RIN1: variants seen among roughly 807,000 people sequenced by gnomAD.
RIN1 encodes Ras and Rab interactor 1, also known as ras inhibitor 1.
RIN1 carries 52 observed loss-of-function variants against 64.9 expected under a neutral mutation model. That is an observed-to-expected ratio of 0.80 (90% confidence interval 0.64 to 1.01). The LOEUF is 1.01. Ranked by LOEUF, RIN1 falls within the 50% of genes least tolerant of loss-of-function variation. RIN1 has a pLI of 0.00. For synonymous variants in RIN1, 486 were observed against 483.6 expected, an observed-to-expected ratio of 1.00 and a Z score of -0.06; for missense variants, 1,040 against 1,064.5, an observed-to-expected ratio of 0.98 and a Z score of 0.32.
In RIN1 at chr11:66,334,125, A is replaced by C. The variant is rs890357099; in HGVS notation, c.1385T>G (p.Leu462Arg). The C allele has an allele frequency of 6.5e-7, 1 of 1,550,304 alleles. No homozygotes were observed. ...GCGGAGGCCCTCAGCTAGGCGGCCCAGGGAGCCGTCTGCGGCAAGCCGGCG... is the reference window on the plus strand; with the variant it reads ...GCGGAGGCCCTCAGCTAGGCGGCCCCGGGAGCCGTCTGCGGCAAGCCGGCG... ...LRRRLAADGS[L>R]GRLAEGLRLA... Residue 462 changes from leucine to arginine, a missense_variant, in exon 7 of 10, where the codon CTG (leucine) becomes CGG (arginine). Coordinates refer to ENST00000311320, the MANE Select transcript of RIN1 (RefSeq NM_004292.3).
rs780527054 is a variant in RIN1, at chr11:66,334,024, G to A, written c.1486C>T (p.Arg496Cys). The A allele has an allele frequency of 1.2e-5, 19 of 1,572,528 alleles. No homozygotes were observed. Among genetic ancestry groups the A allele is most frequent in the East Asian group, 1.2e-4 (5 of 43,412 alleles). The change falls in exon 7 of 10, where the codon CGC becomes TGC. Residue 496 changes from arginine to cysteine, a missense_variant. By Grantham distance (180) the Arg-to-Cys change is radical (BLOSUM62 -3). Transcript: ENST00000311320. Reference protein sequence around the residue: ...LPSPVELEQVRQKLLQLLRTY... With the variant: ...LPSPVELEQVCQKLLQLLRTY... ...CGGAGCAGCTGCAGCAGCTTCTGGC[G>A]CACTTGCTCCAACTCTACTGGGGAG...
At position 66,333,927 on chromosome 11, in the gene RIN1, G is replaced by C. The variant is rs1442953912; in HGVS notation, c.1583C>G (p.Thr528Ser). Residue 528 changes from threonine to serine, a missense_variant, in exon 7 of 10, where the codon ACC becomes AGC. Coordinates refer to ENST00000311320, the MANE Select transcript of RIN1 (RefSeq NM_004292.3). ...TGGTGGCAGGGACATACCTTCCTGG[G>C]TCCTCAGGGCCATGTAGAGCAGCTT... ...ACKLLYMALR[T>S]QEGEGAGADE... is the part of the protein sequence containing the mutation. 6.5e-7 allele frequency: 1 copy of C among 1,529,268 alleles called. No homozygotes were observed. Among genetic ancestry groups the C allele is most frequent in the Non-Finnish European group, 8.8e-7 (1 of 1,137,468 alleles). The allele number at this position is 1,529,268 out of a possible 1,614,324, so 94.7% of individuals were successfully genotyped here.
intron 5 of RIN1, 45 bp downstream of exon 5, chr11:66,335,362 G>A (rs1208853416): frequency 1.3e-6 from 2 of 1,565,262 alleles, no homozygotes; most frequent in Non-Finnish European, 1.7e-6. Flanking sequence ...CTTCCCCTCG[G>A]CCTCAGCTTG....
At position 66,333,283 on chromosome 11, in the gene RIN1, CG is replaced by C; in HGVS notation, c.1849del (p.Arg617AlafsTer14). On this transcript the variant is annotated frameshift_variant, in exon 9 of 10. Coordinates refer to ENST00000311320, the MANE Select transcript of RIN1 (RefSeq NM_004292.3). LOFTEE classifies it high-confidence loss of function. ...RRSLSLWEQRRLPATHCFQHL... is the reference protein window; with the variant it reads ...RRSLSLWEQRXLPATHCFQHL... ...CTGGAAGCAGTGGGTGGCAGGCAGG[CG>C]GCGCTGCTCCCAGAGGCTGAGGGAG... The C allele has an allele frequency of 6.2e-7, 1 of 1,611,284 alleles. No individual in the cohort carries two copies.
rs1029836309 is a variant in RIN1, at chr11:66,332,381, C to T, written c.2247G>A (p.Arg749=). The T allele has an allele frequency of 6.2e-7, 1 of 1,614,178 alleles. No individual in the cohort carries two copies. The highest frequency in any genetic ancestry group is 8.5e-7 in the Non-Finnish European group (1 of 1,180,030). ...AGVKASPRDI[R]EQSETTAEGG... ...CTTCAGCAGTTGTCTCAGACTGTTC[C>T]CGAATGTCCCTGGGGCTGGCTTTGA... The change falls in exon 10 of 10, where the codon CGG becomes CGA. Residue 749 remains arginine, a synonymous_variant. Transcript: ENST00000311320.
Position 66,335,971 on chromosome 11 carries a change from G to A in RIN1, c.267+7C>T. Reference sequence around the variant, plus strand: ...GGCCAGTCCCTGGAGTGTGGGGCAAGACTCACCCCCGGGGGCTCGGTCCTC... The same window carrying A: ...GGCCAGTCCCTGGAGTGTGGGGCAAAACTCACCCCCGGGGGCTCGGTCCTC... On this transcript the variant is annotated splice_region_variant and intron_variant, in intron 2 of 9. Coordinates refer to ENST00000311320, the MANE Select transcript of RIN1 (RefSeq NM_004292.3). The A allele has an allele frequency of 6.8e-7, 1 of 1,480,188 alleles. No individual in the cohort carries two copies. Among genetic ancestry groups the A allele is most frequent in the South Asian group, 1.4e-5 (1 of 70,368 alleles). 91.7% of individuals were successfully genotyped at this position (1,480,188 alleles called of 1,614,324 possible).
rs756792538 is a variant in RIN1, at chr11:66,334,092, C to G, written c.1418G>C (p.Arg473Pro). 4 of 1,559,966 alleles carry G rather than the reference C, an allele frequency of 2.6e-6. No individual in the cohort carries two copies. The highest frequency in any genetic ancestry group is 3.5e-6 in the Non-Finnish European group (4 of 1,152,440). The change falls in exon 7 of 10, where the codon CGG (arginine) becomes CCG (proline). Residue 473 changes from arginine (R) to proline (P), a missense_variant. Arg to Pro is a moderately radical substitution (Grantham distance 103). Transcript: ENST00000311320. Reference protein sequence around the residue: ...GRLAEGLRLARAQGPGAFGSH... With the variant: ...GRLAEGLRLAPAQGPGAFGSH... ...CCCGAAGGCTCCGGGGCCCTGGGCC[C>G]GGGCCAGGCGGAGGCCCTCAGCTAG...
At chr11:66,334,460 G>C in intron 6 of RIN1, 54 bp downstream of exon 6, 1 of 1,576,332 alleles carries the variant, frequency 6.3e-7, no homozygotes, top group Non-Finnish European at 8.6e-7. Context: ...GCTGTGGAGG[G>C]GAGCAGAGGG....
rs983860378 is a variant in RIN1, at chr11:66,331,309, C to T, written c.*967G>A. ...TTGCTATATGACATCCTGGGAGTCA[C>T]TTTCCTGACCCTCAGTGGGCCCAAC... On this transcript the variant is annotated 3_prime_UTR_variant, in exon 10 of 10. Coordinates refer to ENST00000311320, the MANE Select transcript of RIN1 (RefSeq NM_004292.3). The T allele has an allele frequency of 3.9e-5, 6 of 152,362 alleles. No homozygotes were observed. Among genetic ancestry groups the T allele is most frequent in the African/African-American group, 1.4e-4 (6 of 41,574 alleles). 9.4% of individuals were successfully genotyped at this position (152,362 alleles called of 1,614,324 possible). A position where few individuals can be genotyped will look rare whatever the true frequency, so the allele number is the denominator to read the frequency against.
chr11:66,332,857 T>A, intron 9 of RIN1, 105 bp from the exon 10 acceptor site: 1 of 882,818 alleles, frequency 1.1e-6, no homozygotes, highest in Non-Finnish European at 1.7e-6. Context: ...ACAGGGTGGG[T>A]AGGTGGAGAT....
chr11:66,334,778 C>T lies in RIN1; in HGVS notation c.1021G>A (p.Gly341Ser). Residue 341 changes from glycine (G) to serine (S), a missense_variant, in exon 6 of 10, where the codon GGC becomes AGC. Transcript: ENST00000311320. Reference sequence around the variant, plus strand: ...GACCGAAGCAGAGGTCGTCGGCGGCCCAGGTGGGGTGAGGTCGCTGGGCTC... The same window carrying T: ...GACCGAAGCAGAGGTCGTCGGCGGCTCAGGTGGGGTGAGGTCGCTGGGCTC... ...RGSPATSPHL[G>S]RRRPLLRSMS... 1 of 1,548,780 alleles carries T rather than the reference C, an allele frequency of 6.5e-7. No homozygotes were observed. Among genetic ancestry groups the T allele is most frequent in the Non-Finnish European group, 8.7e-7 (1 of 1,146,644 alleles).
chr11:66,332,770 C>CA lies in RIN1; in HGVS notation c.1876-19dup. ...AGGAGGTGCTATGCAGGAGGAGAAG[C>CA]AAAAACAAGTACTCAGCCCCGGCTG... On this transcript the variant is annotated intron_variant, in intron 9 of 9. Coordinates refer to ENST00000311320, the MANE Select transcript of RIN1 (RefSeq NM_004292.3). 6.7e-7 allele frequency: 1 copy of CA among 1,489,062 alleles called. No individual in the cohort carries two copies. The highest frequency in any genetic ancestry group is 9.0e-7 in the Non-Finnish European group (1 of 1,115,942). The allele number at this position is 1,489,062 out of a possible 1,614,324, so 92.2% of individuals were successfully genotyped here.
intron 9 of RIN1, 24 bp downstream of exon 9, chr11:66,333,234 A>G: frequency 6.2e-7 from 1 of 1,607,482 alleles, no homozygotes; most frequent in Non-Finnish European, 8.5e-7. Flanking sequence ...TCTGGCTCTG[A>G]GGACACGGTG....
Position 66,333,553 on chromosome 11 carries a change from A to C in RIN1, c.1697T>G (p.Leu566Arg), listed in dbSNP as rs1405358884. 1.2e-6 allele frequency: 2 copies of C among 1,613,314 alleles called. No individual in the cohort carries two copies. Among genetic ancestry groups the C allele is most frequent in the South Asian group, 2.2e-5 (2 of 91,076 alleles). The change falls in exon 8 of 10, where the codon CTG becomes CGG. Residue 566 changes from leucine (L) to arginine (R), a missense_variant. Physicochemically the swap from Leu to Arg is moderately radical, Grantham distance 102. Transcript: ENST00000311320. Reference protein sequence around the residue: ...LLEAEYMSELLEPSLLTGEGG... With the variant: ...LLEAEYMSELREPSLLTGEGG... Reference sequence around the variant, plus strand: ...CTCTCCAGTAAGCAGGCTGGGCTCCAGCAGCTCCGACATGTACTCGGCCTC... The same window carrying C: ...CTCTCCAGTAAGCAGGCTGGGCTCCCGCAGCTCCGACATGTACTCGGCCTC...
In RIN1 at chr11:66,333,389, G is replaced by A. The variant is rs1854786012; in HGVS notation, c.1744C>T (p.Leu582Phe). 5.0e-6 allele frequency: 8 copies of A among 1,610,268 alleles called. No individual in the cohort carries two copies. Among genetic ancestry groups the A allele is most frequent in the Non-Finnish European group, 6.8e-6 (8 of 1,177,988 alleles). ...CTCAGCAGGGCCAGGCTGGCAGAGA[G>A]GCTGGTCAGGTAGTAGCCACCTGGG... Reference protein sequence around the residue: ...TGEGGYYLTSLSASLALLSGL... With the variant: ...TGEGGYYLTSFSASLALLSGL... The change falls in exon 9 of 10, where the codon CTC becomes TTC. Residue 582 changes from leucine (L) to phenylalanine (F), a missense_variant. Coordinates refer to ENST00000311320, the MANE Select transcript of RIN1 (RefSeq NM_004292.3).
In RIN1 at chr11:66,334,135, C is replaced by G; in HGVS notation, c.1375G>C (p.Asp459His). The G allele has an allele frequency of 6.5e-7, 1 of 1,544,662 alleles. No homozygotes were observed. Among genetic ancestry groups the G allele is most frequent in the Non-Finnish European group, 8.7e-7 (1 of 1,147,292 alleles). ...TCAGCTAGGCGGCCCAGGGAGCCGT[C>G]TGCGGCAAGCCGGCGCCGCAGGCGG... ...AARLRRRLAA[D>H]GSLGRLAEGL... The change falls in exon 7 of 10, where the codon GAC becomes CAC. Residue 459 changes from aspartate (D) to histidine (H), a missense_variant. Physicochemically the swap from Asp to His is moderately conservative, Grantham distance 81. Coordinates refer to ENST00000311320, the MANE Select transcript of RIN1 (RefSeq NM_004292.3).
intron 6 of RIN1, 73 bp downstream of exon 6, chr11:66,334,441 C>A: frequency 6.5e-7 from 1 of 1,545,600 alleles, no homozygotes; most frequent in Admixed American, 2.0e-5. Flanking sequence ...CAGAATCAGA[C>A]AGGCTGGCGC....
chr11:66,333,703 G>C (rs369858253), intron 7 of RIN1, 45 bp from the exon 8 acceptor site: 23 of 1,573,848 alleles, frequency 1.5e-5, no homozygotes, highest in Non-Finnish European at 2.0e-5. Context: ...TACAGTCCTT[G>C]CTTTAGGCAG....
In RIN1 at chr11:66,334,496, G is replaced by A; in HGVS notation, c.1285+18C>T. The A allele has an allele frequency of 1.3e-6, 2 of 1,593,756 alleles. No homozygotes were observed. Among genetic ancestry groups the A allele is most frequent in the Non-Finnish European group, 1.7e-6 (2 of 1,171,814 alleles). ...TCGGATGGGGCAGTGCTGGAGCTAT[G>A]GAGAGACGGAGCCTCACCCAGCCTC... On this transcript the variant is annotated intron_variant, in intron 6 of 9. Coordinates refer to ENST00000311320, the MANE Select transcript of RIN1 (RefSeq NM_004292.3).
Sources: allele counts gnomAD v4.1 joint callset, GRCh38; gene constraint gnomAD v4.1.1; transcripts MANE v1.5; gene names NCBI Gene and HGNC (gene_info 2026-07-23, HGNC 2026-07-21).